ADD3: variants seen among roughly 807,000 people sequenced by gnomAD.
The protein encoded by ADD3 is adducin 3, also known as gamma-adducin.
Under a neutral mutation model 80.2 loss-of-function variants are expected in ADD3, and 25 were observed. The observed-to-expected ratio is 0.31, with a 90% CI of 0.23 to 0.44. The LOEUF (loss-of-function observed/expected upper bound fraction) is 0.44, where lower values mean the gene tolerates loss of function less well. ADD3 is among the 20% of genes least tolerant of loss of function. The pLI is 1.00. For missense variants in ADD3, 829 were observed against 847.5 expected (o/e 0.98, Z 0.27); for synonymous variants, 284 against 289.6 (o/e 0.98, Z 0.20).
chr10:110,084,671 T>C (rs1846482516), intron 1 of ADD3, among the ~76,000 whole-genome samples: 1 of 152,356 alleles, frequency 6.6e-6, no homozygotes, highest in South Asian at 2.1e-4. Flanking sequence ...TACATCCTTT[T>C]AAGCTCTAAC....
chr10:110,064,018 C>T (rs935234152), intron 1 of ADD3, among the ~76,000 whole-genome samples: 7 of 151,720 alleles, frequency 4.6e-5, no homozygotes, highest in Admixed American at 3.9e-4. Context: ...CTTTTGTCTC[C>T]AGCTTCTTTT....
intron 1 of ADD3, among the ~76,000 whole-genome samples, chr10:110,100,388 G>A (rs370099755): frequency 1.3e-5 from 2 of 148,776 alleles, no homozygotes; most frequent in South Asian, 2.1e-4. Context: ...TGACATTAAC[G>A]TAATTTAATT....
intron 1 of ADD3, among the ~76,000 whole-genome samples, chr10:110,062,445 G>A (rs944774618): frequency 1.1e-4 from 16 of 151,682 alleles, no homozygotes; most frequent in African/African-American, 3.4e-4. Flanking sequence ...GCTGGCTCGT[G>A]AGGGTGTGTA....
intron 1 of ADD3, among the ~76,000 whole-genome samples, chr10:110,000,586 T>C (rs754110517): frequency 7.9e-5 from 12 of 152,250 alleles, no homozygotes; most frequent in Non-Finnish European, 1.5e-4. Context: ...GTTATGTTTA[T>C]AAACTCCACT....
At chr10:110,078,841 T>C (rs1260903346) in intron 1 of ADD3, among the ~76,000 whole-genome samples, 1 of 152,226 alleles carries the variant, frequency 6.6e-6, no homozygotes, top group Admixed American at 6.5e-5. Flanking sequence ...ACTTCGACTT[T>C]TACAGTTATG....
intron 12 of ADD3, among the ~76,000 whole-genome samples, chr10:110,128,572 T>C (rs930119927): frequency 8.6e-5 from 13 of 151,930 alleles, no homozygotes; most frequent in Admixed American, 8.5e-4. Context: ...CCTGTCACCG[T>C]GCCCGACTAA....
intron 3 of ADD3, 128 bp downstream of exon 3, chr10:110,113,043 A>C: frequency 1.0e-6 from 1 of 968,442 alleles, no homozygotes; most frequent in East Asian, 2.4e-5. Context: ...TTAGAGTAAC[A>C]TAGTGTTAGA....
intron 1 of ADD3, among the ~76,000 whole-genome samples, chr10:110,042,516 A>G (rs1856484851): frequency 6.6e-6 from 1 of 152,172 alleles, no homozygotes. Flanking sequence ...CCAAAAAAAC[A>G]ACACTCATGA....
rs78884025 is a variant in ADD3, at chr10:110,092,596, C to T, written c.-29-8029C>T. Among the ~76,000 whole-genome samples the T allele has an allele frequency of 7.2e-5, 11 of 152,056 alleles. No individual in the cohort carries two copies. In the East Asian group the frequency reaches 1.7e-3, roughly 24 times the overall value. On this transcript the variant is annotated intron_variant, in intron 1 of 14. Coordinates refer to ENST00000356080, the MANE Select transcript of ADD3 (RefSeq NM_016824.5). Reference sequence around the variant, plus strand: ...GGGGAAGGTAGCAGGAGGGTGAAGGCGGAAAAACTGCCTATCAGGTCCTCT... The same window carrying T: ...GGGGAAGGTAGCAGGAGGGTGAAGGTGGAAAAACTGCCTATCAGGTCCTCT...
chr10:110,053,059 T>C (rs751335325), intron 1 of ADD3, among the ~76,000 whole-genome samples: 7 of 151,862 alleles, frequency 4.6e-5, no homozygotes, highest in African/African-American at 1.5e-4. Context: ...ATAGGAAAAA[T>C]AGAGTTTTAC....
intron 1 of ADD3, among the ~76,000 whole-genome samples, chr10:110,099,650 A>T (rs1032935631): frequency 1.3e-5 from 2 of 152,158 alleles, no homozygotes; most frequent in Admixed American, 6.5e-5. Flanking sequence ...ACCATTCTGG[A>T]GTGTTTCATC....
Position 110,134,785 on chromosome 10 carries a change from T to C in ADD3, c.*1167T>C, listed in dbSNP as rs1853475607. On this transcript the variant is annotated 3_prime_UTR_variant, in exon 15 of 15. Coordinates refer to ENST00000356080, the MANE Select transcript of ADD3 (RefSeq NM_016824.5). ...AAAGCAATGTCTTTCTTGGTTGATA[T>C]TTGAGTTTTAAAAGGGTCAAATCTT... 1 of 152,672 alleles carries C rather than the reference T, an allele frequency of 6.5e-6. No individual in the cohort carries two copies. Among genetic ancestry groups the C allele is most frequent in the South Asian group, 2.1e-4 (1 of 4,838 alleles). The allele number at this position is 152,672 out of a possible 1,614,324, so 9.5% of individuals were successfully genotyped here.
intron 1 of ADD3, among the ~76,000 whole-genome samples, chr10:110,014,999 G>T (rs1852782549): frequency 6.6e-6 from 1 of 151,510 alleles, no homozygotes; most frequent in Admixed American, 6.6e-5. Flanking sequence ...TCAGCTTCCC[G>T]AGTAGCTGGG....
At chr10:110,014,276 A>G (rs1208289579) in intron 1 of ADD3, among the ~76,000 whole-genome samples, 1 of 152,174 alleles carries the variant, frequency 6.6e-6, no homozygotes, top group Non-Finnish European at 1.5e-5. Context: ...AAAAAATTCT[A>G]GAAGGTCAGC....
At position 110,133,339 on chromosome 10, in the gene ADD3, G is replaced by A. The variant is rs1166414208; in HGVS notation, c.1842G>A (p.Leu614=). 1.3e-6 allele frequency: 2 copies of A among 1,584,008 alleles called. No individual in the cohort carries two copies. Among genetic ancestry groups the A allele is most frequent in the Non-Finnish European group, 1.7e-6 (2 of 1,158,158 alleles). The part of the protein sequence containing the change: ...VPEKLEENHE[L]FSKSFISMEV... The stretch of plus-strand genomic sequence containing the variant: ...CCCCTTTCGTAGAAAACCATGAGCT[G>A]TTTTCCAAGAGCTTCATCTCCATGG... The change falls in exon 15 of 15, where the codon CTG becomes CTA. Residue 614 remains leucine, a synonymous_variant. Coordinates refer to ENST00000356080, the MANE Select transcript of ADD3 (RefSeq NM_016824.5).
intron 1 of ADD3, among the ~76,000 whole-genome samples, chr10:110,082,370 A>C (rs1846168644): frequency 6.6e-6 from 1 of 152,182 alleles, no homozygotes; most frequent in South Asian, 2.1e-4. Context: ...GGCTTAGCTT[A>C]CTCTACACAC....
chr10:110,026,150 G>T (rs1268371143), intron 1 of ADD3, among the ~76,000 whole-genome samples: 1 of 152,072 alleles, frequency 6.6e-6, no homozygotes, highest in Admixed American at 6.5e-5. Flanking sequence ...GTATTTGGCT[G>T]CCTTGACATT....
At chr10:110,026,576 G>A (rs570369018) in intron 1 of ADD3, among the ~76,000 whole-genome samples, 16 of 152,134 alleles carry the variant, frequency 1.1e-4, no homozygotes, top group Admixed American at 5.2e-4. Context: ...CACCACACCC[G>A]GCTGATTGTA....
At chr10:110,046,996 A>T (rs1856980061) in intron 1 of ADD3, among the ~76,000 whole-genome samples, 1 of 152,176 alleles carries the variant, frequency 6.6e-6, no homozygotes, top group South Asian at 2.1e-4. Context: ...AAGGGTCACA[A>T]GTGCTGACTA....
Sources: allele counts gnomAD v4.1 joint callset (sites outside exome capture counted in the v4.1 genomes callset), GRCh38; gene constraint gnomAD v4.1.1; transcripts MANE v1.5; gene names NCBI Gene and HGNC (gene_info 2026-07-23, HGNC 2026-07-21).